Variants in FGF13 observed in about 807,000 individuals in gnomAD.
FGF13 encodes fibroblast growth factor homologous factor 2.
Under a neutral mutation model 19.5 loss-of-function variants are expected in FGF13, and 2 were observed. That is an observed-to-expected ratio of 0.10 (90% CI 0.04 to 0.32). FGF13 has a LOEUF of 0.32. FGF13 is among the 10% of genes least tolerant of loss of function. The pLI, the probability that FGF13 is intolerant of heterozygous loss-of-function variation, is 1.00. For synonymous variants in FGF13, 72 were observed against 76.9 expected (o/e 0.94, Z 0.33); for missense variants, 113 against 192.7 (o/e 0.59, Z 2.45).
chrX:139,087,504 C>T (rs183596814), intron 1 of FGF13, among the ~76,000 whole-genome samples: 281 of 111,713 alleles, frequency 2.5e-3, no homozygotes, highest in Admixed American at 3.8e-3. Context: ...GATTCTCTGC[C>T]TTCATGCCAT....
chrX:139,101,221 A>G (rs773268275), intron 1 of FGF13, among the ~76,000 whole-genome samples: 1 of 111,918 alleles, frequency 8.9e-6, no homozygotes, highest in Admixed American at 9.4e-5. Flanking sequence ...CAAAGGCCAT[A>G]CTCTCCTCAA....
In FGF13 at chrX:138,795,687, T is replaced by C. The variant is rs187355910; in HGVS notation, c.217+61825A>G. On this transcript the variant is annotated intron_variant, in intron 3 of 6. Transcript: ENST00000436198. ...TAATTTATTGTCCAAATCAGGATAC[T>C]TTTGAAGATATAATGAAGAACTATG... 1.0e-2 allele frequency among the ~76,000 whole-genome samples: 1,114 copies of C among 111,803 alleles called. 14 individuals carry two copies. Among genetic ancestry groups the C allele is most frequent in the African/African-American group, 0.034 (1,047 of 30,761 alleles).
chrX:138,954,323 T>C (rs184348720), intron 1 of FGF13, among the ~76,000 whole-genome samples: 43 of 111,889 alleles, frequency 3.8e-4, no homozygotes, highest in Non-Finnish European at 6.6e-4. Context: ...GTTTAGATAA[T>C]TTTTTAAGCA....
intron 1 of FGF13, among the ~76,000 whole-genome samples, chrX:138,971,054 T>A (rs186234238): frequency 1.2e-3 from 132 of 111,650 alleles, no homozygotes; most frequent in African/African-American, 4.2e-3. Context: ...TTCTAAGTTA[T>A]GAAAAAGAAT....
rs1194582228 is a variant in FGF13 at position 138,628,468 on chromosome X, C to T, written c.*4382G>A. 1 of 111,773 alleles carries T rather than the reference C, an allele frequency of 8.9e-6. No individual in the cohort carries two copies. The highest frequency in any genetic ancestry group is 3.3e-5 in the African/African-American group (1 of 30,760). 9.2% of individuals were successfully genotyped at this position (111,773 alleles called of 1,213,427 possible). A position where few individuals can be genotyped will look rare whatever the true frequency, so the allele number is the denominator to read the frequency against. On this transcript the variant is annotated 3_prime_UTR_variant, in exon 5 of 5. Coordinates refer to ENST00000315930, the MANE Select transcript of FGF13 (RefSeq NM_004114.5). ...TAGAGGTTGAAAGGATTTTCAGAAA[C>T]AATAGAAAAAAGCGTAGATTGTCTT...
At chrX:138,638,288 C>T (rs1211188809) in intron 3 of FGF13, among the ~76,000 whole-genome samples, 1 of 112,065 alleles carries the variant, frequency 8.9e-6, no homozygotes, top group Non-Finnish European at 1.9e-5. Context: ...GCGTCATCTT[C>T]CAGTGTCATT....
At chrX:138,693,932 G>A (rs1355930429) in intron 3 of FGF13, among the ~76,000 whole-genome samples, 2 of 111,387 alleles carry the variant, frequency 1.8e-5, no homozygotes, top group Non-Finnish European at 3.8e-5. Context: ...AGATTTTTAA[G>A]CCTCTAAAAA....
intron 1 of FGF13, among the ~76,000 whole-genome samples, chrX:139,168,012 T>C (rs1001635844): frequency 1.8e-5 from 2 of 112,102 alleles, no homozygotes; most frequent in African/African-American, 6.5e-5. Context: ...GAGTTCAAAA[T>C]GAAAACTAGG....
chrX:138,795,730 C>T (rs924434059), intron 3 of FGF13, among the ~76,000 whole-genome samples: 4 of 111,621 alleles, frequency 3.6e-5, no homozygotes, highest in Admixed American at 1.9e-4. Context: ...ATACTAAGAC[C>T]CAGCTATAAA....
intron 3 of FGF13, among the ~76,000 whole-genome samples, chrX:138,663,904 T>C (rs754711474): frequency 1.3e-4 from 15 of 111,772 alleles, no homozygotes; most frequent in Non-Finnish European, 2.3e-4. Context: ...GCTGAAACTT[T>C]AGTTTTTCTA....
chrX:138,934,079 G>A (rs948058515), intron 1 of FGF13, among the ~76,000 whole-genome samples: 3 of 111,642 alleles, frequency 2.7e-5, no homozygotes, highest in East Asian at 2.8e-4. Context: ...TTAGAATTTC[G>A]GTGTAACCTC....
intron 1 of FGF13, among the ~76,000 whole-genome samples, chrX:139,162,042 AACT>A (rs2084039037): frequency 1.8e-5 from 2 of 112,135 alleles, no homozygotes; most frequent in South Asian, 7.4e-4. Context: ...AATTAGAAAA[AACT>A]ACTTTAAATT....
In FGF13 at chrX:139,110,293, G is replaced by A. The variant is rs191800123; in HGVS notation, c.-113+93123C>T. ...TATATATCTTTCATTTTTATATGCTGATATGGTTTGGCTGTGTCCCCACCC... is the reference window on the plus strand; with the variant it reads ...TATATATCTTTCATTTTTATATGCTAATATGGTTTGGCTGTGTCCCCACCC... On this transcript the variant is annotated intron_variant, in intron 1 of 2. Transcript: ENST00000421460. Among the ~76,000 whole-genome samples, 17 of 109,545 alleles carry A rather than the reference G, an allele frequency of 1.6e-4. No homozygotes were observed. In the East Asian group the frequency reaches 4.9e-3, roughly 31 times the overall value.
intron 1 of FGF13, among the ~76,000 whole-genome samples, chrX:139,158,526 A>G (rs1385482303): frequency 9.0e-6 from 1 of 111,245 alleles, no homozygotes; most frequent in African/African-American, 3.3e-5. Flanking sequence ...CAGGTACAGA[A>G]TGGCTCTGTA....
intron 1 of FGF13, among the ~76,000 whole-genome samples, chrX:139,053,335 C>T (rs2092308826): frequency 9.1e-6 from 1 of 110,254 alleles, no homozygotes; most frequent in African/African-American, 3.3e-5. Context: ...CACTGTTTTC[C>T]ATAGTGGCTG....
At chrX:139,130,674 T>C (rs1318462692) in intron 1 of FGF13, among the ~76,000 whole-genome samples, 10 of 111,805 alleles carry the variant, frequency 8.9e-5, no homozygotes, top group Non-Finnish European at 1.7e-4. Context: ...ATTTCTACTA[T>C]ACTGTTAAAA....
At chrX:138,811,376 G>A (rs1247477937) in intron 3 of FGF13, among the ~76,000 whole-genome samples, 1 of 110,432 alleles carries the variant, frequency 9.1e-6, no homozygotes, top group African/African-American at 3.3e-5. Context: ...GTTCTCACTT[G>A]TAGGTGGGAA....
At chrX:139,144,282 C>T (rs2083869516) in intron 1 of FGF13, among the ~76,000 whole-genome samples, 1 of 107,094 alleles carries the variant, frequency 9.3e-6, no homozygotes, top group Admixed American at 9.6e-5. Context: ...CAACCCTTTT[C>T]CTCTACTCTG....
At chrX:138,679,811 G>A (rs947075186) in intron 3 of FGF13, among the ~76,000 whole-genome samples, 1 of 111,789 alleles carries the variant, frequency 8.9e-6, no homozygotes, top group Non-Finnish European at 1.9e-5. Context: ...GGCAATTTCT[G>A]TGACAATAAT....
Sources: gnomAD v4.1 joint callset for allele counts (sites outside exome capture counted in the v4.1 genomes callset) on GRCh38, gnomAD v4.1.1 for gene constraint, MANE v1.5 for transcripts, NCBI Gene and HGNC (gene_info 2026-07-23, HGNC 2026-07-21) for gene names.